Variants in CDKAL1 observed in about 807,000 individuals in gnomAD.
CDKAL1 encodes CDKAL1 threonylcarbamoyladenosine tRNA methylthiotransferase, also known as threonylcarbamoyladenosine tRNA methylthiotransferase.
Under a neutral mutation model 68.2 loss-of-function variants are expected in CDKAL1, and 32 were observed. The observed-to-expected ratio is 0.47, with a 90% CI of 0.35 to 0.63. The LOEUF (loss-of-function observed/expected upper bound fraction) is 0.63, where lower values mean the gene tolerates loss of function less well. Ranked by LOEUF, CDKAL1 falls within the 30% of genes least tolerant of loss-of-function variation. The pLI is 0.00. For missense variants in CDKAL1, 606 were observed against 696.7 expected, an observed-to-expected ratio of 0.87 and a Z score of 1.47; for synonymous variants, 234 against 244.3, an observed-to-expected ratio of 0.96 and a Z score of 0.39.
At chr6:20,570,007 A>G (rs1376624844) in intron 4 of CDKAL1, among the ~76,000 whole-genome samples, 1 of 152,218 alleles carries the variant, frequency 6.6e-6, no homozygotes, top group African/African-American at 2.4e-5. Context: ...TCAGAAAATA[A>G]GAGTCCATCA....
chr6:21,146,189 G>A (rs1173192685), intron 13 of CDKAL1, among the ~76,000 whole-genome samples: 5 of 152,108 alleles, frequency 3.3e-5, no homozygotes. Flanking sequence ...TCAGGGACCA[G>A]GCATTTGTCT....
intron 13 of CDKAL1, among the ~76,000 whole-genome samples, chr6:21,160,652 C>T (rs144436219): frequency 7.4e-6 from 1 of 134,754 alleles, no homozygotes; most frequent in African/African-American, 2.7e-5. Flanking sequence ...CACACACACA[C>T]ACACGTGTGT....
chr6:21,053,286 G>A (rs1010490576), intron 11 of CDKAL1, among the ~76,000 whole-genome samples: 8 of 152,112 alleles, frequency 5.3e-5, no homozygotes, highest in African/African-American at 1.4e-4. Context: ...GTTCATGTTG[G>A]TGCATATATC....
Position 21,014,507 on chromosome 6 carries a change from A to G in CDKAL1, c.1055+14135A>G, listed in dbSNP as rs545729006. Among the ~76,000 whole-genome samples, 352 of 152,134 alleles carry G rather than the reference A, an allele frequency of 2.3e-3. 4 individuals carry two copies. The highest frequency in any genetic ancestry group is 4.3e-3 in the Non-Finnish European group (295 of 67,996). On this transcript the variant is annotated intron_variant, in intron 11 of 15. Transcript: ENST00000274695. ...GTGCCTGTAGTCCCGGCTACTCAGG[A>G]GGCTGAGGCAAGAGAATGGTGTGAA...
chr6:20,935,131 AG>A (rs1383785806), intron 9 of CDKAL1, among the ~76,000 whole-genome samples: 1 of 152,050 alleles, frequency 6.6e-6, no homozygotes, highest in African/African-American at 2.4e-5. Context: ...CGTGACCTCA[AG>A]ATCCGCCTGC....
intron 7 of CDKAL1, 141 bp downstream of exon 7, chr6:20,758,784 C>T (rs767966728): frequency 9.8e-5 from 62 of 630,566 alleles, no homozygotes; most frequent in Non-Finnish European, 1.5e-4. Context: ...TCCTTGGCTT[C>T]ATGAATTTGC....
intron 8 of CDKAL1, among the ~76,000 whole-genome samples, chr6:20,820,362 T>C (rs1263395248): frequency 6.6e-6 from 1 of 152,110 alleles, no homozygotes; most frequent in Non-Finnish European, 1.5e-5. Context: ...TTCTGAGTAA[T>C]TTACAGACAT....
chr6:20,571,116 C>T (rs1212040195), intron 4 of CDKAL1, among the ~76,000 whole-genome samples: 3 of 152,092 alleles, frequency 2.0e-5, no homozygotes, highest in African/African-American at 4.8e-5. Flanking sequence ...ATTGATGTTA[C>T]GAAGTAAGTA....
At chr6:20,662,921 C>T (rs1243481603) in intron 5 of CDKAL1, among the ~76,000 whole-genome samples, 1 of 152,116 alleles carries the variant, frequency 6.6e-6, no homozygotes, top group African/African-American at 2.4e-5. Flanking sequence ...ATTTATTTTT[C>T]GTACATATTG....
At chr6:20,672,794 T>C (rs1311047560) in intron 5 of CDKAL1, among the ~76,000 whole-genome samples, 1 of 152,206 alleles carries the variant, frequency 6.6e-6, no homozygotes, top group African/African-American at 2.4e-5. Flanking sequence ...TTTTTTCTTT[T>C]GAGACAGAGT....
rs149309081 is a variant in CDKAL1, at chr6:20,874,687, G to C, written c.742+28509G>C. On this transcript the variant is annotated intron_variant, in intron 9 of 15. Coordinates refer to ENST00000274695, the MANE Select transcript of CDKAL1 (RefSeq NM_017774.3). ...CAGCTGATTTTCTGTATTTTTAGTGGAGATGGGGTTTCACCATGTTGGTCA... is the reference window on the plus strand; with the variant it reads ...CAGCTGATTTTCTGTATTTTTAGTGCAGATGGGGTTTCACCATGTTGGTCA... 5.5e-3 allele frequency among the ~76,000 whole-genome samples: 829 copies of C among 152,004 alleles called. 7 individuals carry two copies. The highest frequency in any genetic ancestry group is 0.018 in the African/African-American group (763 of 41,472).
intron 4 of CDKAL1, among the ~76,000 whole-genome samples, chr6:20,619,057 G>A (rs1222221942): frequency 4.6e-5 from 7 of 152,038 alleles, no homozygotes; most frequent in African/African-American, 1.7e-4. Flanking sequence ...ATAAATTTCA[G>A]TTTAGATTAT....
intron 8 of CDKAL1, among the ~76,000 whole-genome samples, chr6:20,816,667 ATAAT>A (rs570164136): frequency 1.2e-3 from 182 of 152,134 alleles, no homozygotes; most frequent in South Asian, 3.7e-3. Flanking sequence ...AAAGAACTGA[ATAAT>A]TAATCTAATT....
chr6:20,750,496 C>T (rs1014430804), intron 6 of CDKAL1, among the ~76,000 whole-genome samples: 3 of 152,124 alleles, frequency 2.0e-5, no homozygotes, highest in Admixed American at 1.3e-4. Flanking sequence ...TGAAAGTTCA[C>T]GTTCAGTTGA....
chr6:20,781,166 G>A lies in CDKAL1; in HGVS notation c.539G>A (p.Gly180Asp). 2 of 1,613,922 alleles carry A rather than the reference G, an allele frequency of 1.2e-6. No individual in the cohort carries two copies. The highest frequency in any genetic ancestry group is 4.5e-5 in the East Asian group (2 of 44,880). ...TIKGHSVRLL[G>D]QKKDNGRRLG... is the part of the protein sequence containing the mutation. The stretch of plus-strand genomic sequence containing the variant: ...GAAGGTCACTCTGTGAGACTGCTGG[G>A]TCAGAAAAAGGATAATGGAAGGCGG... The change falls in exon 8 of 16, where the codon GGT (glycine) becomes GAT (aspartate). Residue 180 changes from glycine to aspartate, a missense_variant. Transcript: ENST00000274695.
At chr6:20,736,254 A>G (rs1007929734) in intron 5 of CDKAL1, among the ~76,000 whole-genome samples, 7 of 152,018 alleles carry the variant, frequency 4.6e-5, no homozygotes, top group Admixed American at 1.3e-4. Flanking sequence ...AGTATTGTCT[A>G]TGGCTGCTTT....
At chr6:20,999,673 AAAAAAAAAAAAAAAG>A in intron 10 of CDKAL1, among the ~76,000 whole-genome samples, 2 of 145,806 alleles carry the variant, frequency 1.4e-5, no homozygotes, top group African/African-American at 5.4e-5. Context: ...TAAAAAAAAA[AAAAAAAAAAAAAAAG>A]AAAGAAACAG....
intron 8 of CDKAL1, among the ~76,000 whole-genome samples, chr6:20,782,257 AACC>A (rs1561773262): frequency 2.7e-4 from 41 of 152,306 alleles, no homozygotes; most frequent in African/African-American, 9.6e-4. Context: ...TTTCCCAAAA[AACC>A]CCATGGAGTG....
At chr6:21,095,531 C>T (rs1160185578) in intron 12 of CDKAL1, among the ~76,000 whole-genome samples, 1 of 152,128 alleles carries the variant, frequency 6.6e-6, no homozygotes, top group East Asian at 1.9e-4. Context: ...TTGCTTTGCT[C>T]TTCTGTAATT....
Sources: allele counts gnomAD v4.1 joint callset (sites outside exome capture counted in the v4.1 genomes callset), GRCh38; gene constraint gnomAD v4.1.1; transcripts MANE v1.5; gene names NCBI Gene and HGNC (gene_info 2026-07-23, HGNC 2026-07-21).